Variants in CATIP observed in about 807,000 individuals in gnomAD.
CATIP encodes ciliogenesis-associated TTC17-interacting protein.
Under a neutral mutation model 42.5 loss-of-function variants are expected in CATIP, and 40 were observed. The ratio of observed to expected loss-of-function variants is 0.94; its 90% CI spans 0.73 to 1.22. CATIP has a LOEUF of 1.22. Among genes scored for constraint, CATIP ranks in the 50% most tolerant of loss-of-function variants. The pLI is 0.00. For synonymous variants in CATIP, 222 were observed against 200.2 expected (o/e 1.11, Z -0.92); for missense variants, 489 against 496.0 (o/e 0.99, Z 0.13).
At chr2:218,362,945 C>T (rs762940813) in intron 6 of CATIP, 43 bp downstream of exon 6, 1 of 1,567,246 alleles carries the variant, frequency 6.4e-7, no homozygotes, top group Non-Finnish European at 8.7e-7. Context: ...TGGGAGCGAA[C>T]TAGAAAAGGC....
intron 8 of CATIP, 69 bp downstream of exon 8, chr2:218,367,169 G>C: frequency 8.2e-7 from 1 of 1,223,882 alleles, no homozygotes; most frequent in Non-Finnish European, 1.2e-6. Flanking sequence ...GGCCTTCCAG[G>C]ATGCAGGGGG....
intron 4 of CATIP, 65 bp downstream of exon 4, chr2:218,358,157 A>C (rs1029363136): frequency 2.5e-5 from 35 of 1,380,534 alleles, no homozygotes; most frequent in Non-Finnish European, 3.4e-5. Flanking sequence ...GACTTAAAAA[A>C]CAGCAGCAAC....
intron 9 of CATIP, 35 bp from the exon 10 acceptor site, chr2:218,367,687 C>T: frequency 1.3e-6 from 2 of 1,578,454 alleles, no homozygotes; most frequent in South Asian, 1.1e-5. Flanking sequence ...GCGGGGGTCC[C>T]GTCCGGCTGA....
intron 3 of CATIP, 107 bp downstream of exon 3, chr2:218,357,841 G>T: frequency 7.6e-7 from 1 of 1,310,722 alleles, no homozygotes. Context: ...CTTTGCCTTG[G>T]ACCAGGACAA....
At chr2:218,357,291 T>TCTCTCTCTCTCTCTCTA (rs1370832307) in intron 2 of CATIP, 104 bp downstream of exon 2, 1 of 338,010 alleles carries the variant, frequency 3.0e-6, no homozygotes. Flanking sequence ...CTCTCTCTCT[T>TCTCTCTCTCTCTCTCTA]CCTTGATTCT....
chr2:218,366,472 G>GT (rs541901591), intron 7 of CATIP: 211 of 160,008 alleles, frequency 1.3e-3, no homozygotes, highest in Non-Finnish European at 2.1e-3. Context: ...GATCCTTTTT[G>GT]TTTTTTTTAA....
chr2:218,359,364 A>AAAAAAAAAGG (rs1695155999), intron 4 of CATIP, among the ~76,000 whole-genome samples: 2 of 144,672 alleles, frequency 1.4e-5, no homozygotes, highest in Non-Finnish European at 3.0e-5. Flanking sequence ...AAAAAAAAAA[A>AAAAAAAAAGG]TGTTGGGGAT....
At chr2:218,366,059 C>A (rs1695422734) in intron 7 of CATIP, 1 of 152,062 alleles carries the variant, frequency 6.6e-6, no homozygotes, top group Non-Finnish European at 1.5e-5. Flanking sequence ...AAGTGATCTG[C>A]CCATCTTGGC....
Position 218,360,637 on chromosome 2 carries a change from C to G in CATIP, c.440C>G (p.Thr147Ser), listed in dbSNP as rs200497998. The G allele has an allele frequency of 1.9e-6, 3 of 1,613,754 alleles. No homozygotes were observed. The highest frequency in any genetic ancestry group is 3.3e-5 in the Admixed American group (2 of 60,002). ...LLKQDDQLAVTRSIKEGEEVK... is the reference protein window; with the variant it reads ...LLKQDDQLAVSRSIKEGEEVK... ...AAGCAGGATGATCAGCTGGCTGTGA[C>G]CAGAAGTATCAAGGAGGGTGAGGTA... is the stretch of plus-strand genomic sequence containing the variant. The change falls in exon 5 of 10, where the codon ACC (threonine) becomes AGC (serine). Residue 147 changes from threonine to serine, a missense_variant. By Grantham distance (58) the Thr-to-Ser change is moderately conservative. Coordinates refer to ENST00000289388, the MANE Select transcript of CATIP (RefSeq NM_198559.2).
At position 218,367,781 on chromosome 2, in the gene CATIP, C is replaced by T. The variant is rs758107582; in HGVS notation, c.981C>T (p.Leu327=). The T allele has an allele frequency of 1.2e-6, 2 of 1,612,212 alleles. No individual in the cohort carries two copies. Among genetic ancestry groups the T allele is most frequent in the Non-Finnish European group, 8.5e-7 (1 of 1,179,854 alleles). ...GGCAGCACCCCGAAGCCCACGCGCT[C>T]ATCTCCGACTTCCTGCTCTTCCTGC... ...YLRQHPEAHA[L]ISDFLLFLLL... is the part of the protein sequence containing the mutation. The change falls in exon 10 of 10, where the codon CTC becomes CTT. Residue 327 remains leucine (L), a synonymous_variant. Coordinates refer to ENST00000289388, the MANE Select transcript of CATIP (RefSeq NM_198559.2).
intron 7 of CATIP, 94 bp from the exon 8 acceptor site, chr2:218,366,930 C>G (rs1310545910): frequency 2.0e-6 from 2 of 985,226 alleles, no homozygotes; most frequent in Admixed American, 1.9e-5. Flanking sequence ...CCCCTACCTC[C>G]AAATACCACC....
chr2:218,358,220 T>C, intron 4 of CATIP, 128 bp downstream of exon 4: 1 of 749,684 alleles, frequency 1.3e-6, no homozygotes, highest in Non-Finnish European at 2.3e-6. Flanking sequence ...ATAGCAATCG[T>C]GTTATGATGC....
At chr2:218,358,980 G>A (rs181499944) in intron 4 of CATIP, among the ~76,000 whole-genome samples, 36 of 152,136 alleles carry the variant, frequency 2.4e-4, no homozygotes, top group Non-Finnish European at 4.3e-4. Context: ...TGAGGCAGGC[G>A]GATCACCTGA....
intron 2 of CATIP, 136 bp from the exon 3 acceptor site, chr2:218,357,398 T>C (rs1248057828): frequency 1.3e-6 from 1 of 784,560 alleles, no homozygotes; most frequent in Non-Finnish European, 2.0e-6. Context: ...TCTTCACCTG[T>C]CCGTGCCAGT....
intron 3 of CATIP, 103 bp from the exon 4 acceptor site, chr2:218,357,934 G>A: frequency 8.4e-7 from 1 of 1,196,516 alleles, no homozygotes; most frequent in Non-Finnish European, 1.2e-6. Context: ...GTTTTTCTGG[G>A]ACCGTATTAC....
In CATIP at chr2:218,357,914, C is replaced by A. The variant is rs1695092981; in HGVS notation, c.320-123C>A. On this transcript the variant is annotated intron_variant, in intron 3 of 9. Coordinates refer to ENST00000289388, the MANE Select transcript of CATIP (RefSeq NM_198559.2). ...GACTCGGGATGAGGGCACATCTTAC[C>A]CATCCTGTAGTTTTTCTGGGACCGT... 4 of 1,084,394 alleles carry A rather than the reference C, an allele frequency of 3.7e-6. No homozygotes were observed. The Admixed American group carries it at 5.4e-5, about 15-fold the overall frequency. The allele number at this position is 1,084,394 out of a possible 1,614,324, so 67.2% of individuals were successfully genotyped here.
Position 218,367,941 on chromosome 2 carries a change from G to C in CATIP, c.1141G>C (p.Asp381His). 2.5e-6 allele frequency: 4 copies of C among 1,600,084 alleles called. No individual in the cohort carries two copies. Among genetic ancestry groups the C allele is most frequent in the Non-Finnish European group, 3.4e-6 (4 of 1,175,948 alleles). ...NPFRSLEPEG[D>H]ARSGAA The stretch of plus-strand genomic sequence containing the variant: ...TTTCCGCTCCCTGGAGCCGGAGGGA[G>C]ACGCCCGCTCGGGGGCGGCCTAAGC... Residue 381 changes from aspartate to histidine, a missense_variant, in exon 10 of 10, where the codon GAC (aspartate) becomes CAC (histidine). By Grantham distance (81) the Asp-to-His change is moderately conservative. Transcript: ENST00000289388.
chr2:218,357,727 C>T lies in CATIP; in HGVS notation c.312C>T (p.Ser104=). 6.2e-7 allele frequency: 1 copy of T among 1,613,092 alleles called. No individual in the cohort carries two copies. The change falls in exon 3 of 10, where the codon TCC becomes TCT. Residue 104 remains serine (S), a synonymous_variant. Transcript: ENST00000289388. ...TGGACAAAATGCTCTGCGGAAATTC[C>T]CTCCTGGGTAGCGTTCCTACTGCCT... ...GFLDKMLCGN[S]LLGYLSEKLE...
At chr2:218,360,509 G>A in intron 4 of CATIP, 64 bp from the exon 5 acceptor site, 1 of 1,237,564 alleles carries the variant, frequency 8.1e-7, no homozygotes, top group South Asian at 1.2e-5. Context: ...AATGGAGAAG[G>A]GTCAGGTGAC....
Sources: gnomAD v4.1 joint callset for allele counts (sites outside exome capture counted in the v4.1 genomes callset) on GRCh38, gnomAD v4.1.1 for gene constraint, MANE v1.5 for transcripts, NCBI Gene and HGNC (gene_info 2026-07-23, HGNC 2026-07-21) for gene names.